The following SFI1 variants were observed in gnomAD, a reference collection of about 807,000 sequenced individuals.
SFI1 encodes SFI1 centrin binding protein.
A neutral mutation model predicts 207.5 loss-of-function variants in SFI1; 195 were observed. The ratio of observed to expected loss-of-function variants is 0.94; its 90% CI spans 0.84 to 1.06. The LOEUF (loss-of-function observed/expected upper bound fraction) is 1.06. Ranked by LOEUF, SFI1 falls within the 50% of genes least tolerant of loss-of-function variation. SFI1 has a pLI of 0.00. For missense variants in SFI1, 1,634 were observed against 1,588.0 expected, an observed-to-expected ratio of 1.03 and a Z score of -0.49; for synonymous variants, 630 against 598.9, an observed-to-expected ratio of 1.05 and a Z score of -0.76.
intron 3 of SFI1, chr22:31,530,626 G>A (rs1438285743): frequency 2.1e-6 from 1 of 471,194 alleles, no homozygotes; most frequent in African/African-American, 2.0e-5. Flanking sequence ...CAGACACCCT[G>A]TGAGCTGATC....
intron 12 of SFI1, among the ~76,000 whole-genome samples, chr22:31,582,220 A>ATG (rs1191390676): frequency 0.023 from 760 of 32,520 alleles, 47 homozygotes; most frequent in African/African-American, 0.044. Flanking sequence ...ATATATATAT[A>ATG]TATATATATA....
intron 24 of SFI1, 114 bp from the exon 25 acceptor site, chr22:31,613,028 G>T (rs1322591131): frequency 9.1e-6 from 10 of 1,101,100 alleles, no homozygotes; most frequent in Non-Finnish European, 1.3e-5. Flanking sequence ...AGTGGAGGAA[G>T]TGGGAGCCTC....
Position 31,508,249 on chromosome 22 carries a change from T to C in SFI1, c.-30-6T>C. 6.9e-7 allele frequency: 1 copy of C among 1,443,934 alleles called. No individual in the cohort carries two copies. Among genetic ancestry groups the C allele is most frequent in the Non-Finnish European group, 9.7e-7 (1 of 1,025,656 alleles). 89.4% of individuals were successfully genotyped at this position (1,443,934 alleles called of 1,614,324 possible). A position where few individuals can be genotyped will look rare whatever the true frequency, so the allele number is the denominator to read the frequency against. The stretch of plus-strand genomic sequence containing the variant: ...TTCTCTCTTTTTTATTCTCTTTTTC[T>C]TGTAGTTAGAAGGGGAAGATAAAAG... On this transcript the variant is annotated splice_polypyrimidine_tract_variant and splice_region_variant and intron_variant, in intron 1 of 32. Coordinates refer to ENST00000400288, the MANE Select transcript of SFI1 (RefSeq NM_001007467.3).
intron 12 of SFI1, among the ~76,000 whole-genome samples, chr22:31,581,383 A>G (rs1472424637): frequency 6.6e-6 from 1 of 151,128 alleles, no homozygotes; most frequent in Non-Finnish European, 1.5e-5. Context: ...CCACCTCCCA[A>G]GTTCAAGCGA....
intron 5 of SFI1, among the ~76,000 whole-genome samples, chr22:31,548,092 C>G (rs1290470495): frequency 6.6e-6 from 1 of 151,750 alleles, no homozygotes; most frequent in South Asian, 2.1e-4. Context: ...TGGTGGCAGG[C>G]GCCTGTAGTT....
At chr22:31,549,713 A>G (rs1300839540) in intron 5 of SFI1, among the ~76,000 whole-genome samples, 1 of 152,080 alleles carries the variant, frequency 6.6e-6, no homozygotes, top group Non-Finnish European at 1.5e-5. Context: ...TTCTTGGAGA[A>G]GTCAAGCCTT....
chr22:31,543,667 G>A (rs1454162469), intron 4 of SFI1, among the ~76,000 whole-genome samples: 1 of 151,852 alleles, frequency 6.6e-6, no homozygotes, highest in Non-Finnish European at 1.5e-5. Flanking sequence ...AAAATTAGCT[G>A]GGCATGGTGG....
chr22:31,593,159 C>A (rs1221412867), intron 15 of SFI1, among the ~76,000 whole-genome samples: 2 of 148,748 alleles, frequency 1.3e-5, no homozygotes, highest in Non-Finnish European at 3.0e-5. Flanking sequence ...CCTTCCCGGA[C>A]GGGGTGGCTG....
intron 4 of SFI1, among the ~76,000 whole-genome samples, chr22:31,542,016 G>A (rs1296717345): frequency 2.0e-5 from 3 of 150,612 alleles, no homozygotes; most frequent in South Asian, 4.2e-4. Flanking sequence ...AAGGAGACTG[G>A]CGTGAACCTG....
At chr22:31,559,873 C>T (rs2061515868) in intron 7 of SFI1, 2 of 666,038 alleles carry the variant, frequency 3.0e-6, no homozygotes, top group Non-Finnish European at 5.6e-6. Context: ...GCCTTCGTGT[C>T]CGAGGCCAGC....
At chr22:31,541,294 A>G (rs576949569) in intron 4 of SFI1, among the ~76,000 whole-genome samples, 1 of 152,084 alleles carries the variant, frequency 6.6e-6, no homozygotes, top group East Asian at 1.9e-4. Context: ...ATTGACTAAA[A>G]TTTGTTGACG....
chr22:31,594,192 CACTT>C (rs1388313683), intron 15 of SFI1, among the ~76,000 whole-genome samples: 2 of 152,170 alleles, frequency 1.3e-5, no homozygotes, highest in South Asian at 2.1e-4. Context: ...TTCCCCGAAA[CACTT>C]AGTTCCTGTT....
rs950416772 is a variant in SFI1, at chr22:31,611,404, C to T, written c.2415+101C>T. 6 of 1,376,532 alleles carry T rather than the reference C, an allele frequency of 4.4e-6. No homozygotes were observed. The African/African-American group carries it at 8.7e-5, about 20-fold the overall frequency. 85.3% of individuals were successfully genotyped at this position (1,376,532 alleles called of 1,614,324 possible). ...GGAAGGGGTCTTTCCTGACAGCACT[C>T]CATGCAGCCGGTATGAGTGGTGGGT... On this transcript the variant is annotated intron_variant, in intron 23 of 32. Transcript: ENST00000400288.
rs5753708 is a variant in SFI1, at chr22:31,585,166, T to C, written c.1413+32T>C. ...AGTACTTTTTAGCAGATAGCTCTACTGGCTTACATTCTTGGACCCATTTGC... is the reference window on the plus strand; with the variant it reads ...AGTACTTTTTAGCAGATAGCTCTACCGGCTTACATTCTTGGACCCATTTGC... On this transcript the variant is annotated intron_variant, in intron 14 of 32. Coordinates refer to ENST00000400288, the MANE Select transcript of SFI1 (RefSeq NM_001007467.3). 1.3e-3 allele frequency: 2,025 copies of C among 1,570,020 alleles called. 46 individuals are homozygous for C. The East Asian group carries it at 0.036, about 28-fold the overall frequency.
chr22:31,556,874 C>G (rs1055016912), intron 6 of SFI1, 68 bp from the exon 7 acceptor site: 1 of 1,078,336 alleles, frequency 9.3e-7, no homozygotes, highest in African/African-American at 1.6e-5. Flanking sequence ...AGCCCTTGAG[C>G]TTTTATCATA....
Position 31,561,390 on chromosome 22 carries a change from C to T in SFI1, c.763C>T (p.Gln255Ter). 2 of 1,612,500 alleles carry T rather than the reference C, an allele frequency of 1.2e-6. No individual in the cohort carries two copies. Among genetic ancestry groups the T allele is most frequent in the Non-Finnish European group, 1.7e-6 (2 of 1,179,318 alleles). The stretch of plus-strand genomic sequence containing the variant: ...GCACAGGGCCCTGAGCCTCCAGGTG[C>T]AGGTGAGTCCAGCAGACGTGGGATT... ...LKHRALSLQVQAWSQWREQLL... is the reference protein window; with the variant it reads ...LKHRALSLQV The change falls in exon 8 of 33, where the codon CAG becomes TAG. Residue 255 changes from glutamine (Q) to a stop codon, truncating the protein, a stop_gained and splice_region_variant. Coordinates refer to ENST00000400288, the MANE Select transcript of SFI1 (RefSeq NM_001007467.3). LOFTEE classifies it high-confidence loss of function.
chr22:31,597,794 G>A, intron 15 of SFI1, among the ~76,000 whole-genome samples: 1 of 152,132 alleles, frequency 6.6e-6, no homozygotes, highest in South Asian at 2.1e-4. Context: ...ATTTTTTAAT[G>A]TTTTAGGAAT....
chr22:31,586,048 A>G (rs565298998), intron 14 of SFI1, among the ~76,000 whole-genome samples: 1 of 152,202 alleles, frequency 6.6e-6, no homozygotes, highest in Admixed American at 6.5e-5. Context: ...AGCAAGGCCT[A>G]CAAACTCCTT....
intron 15 of SFI1, among the ~76,000 whole-genome samples, chr22:31,592,996 ACCTC>A (rs2066325673): frequency 1.2e-5 from 1 of 82,838 alleles, no homozygotes; most frequent in African/African-American, 5.2e-5. Flanking sequence ...TGACCCCCCC[ACCTC>A]CCTCCCGGAC....
Sources: gnomAD v4.1 joint callset for allele counts (sites outside exome capture counted in the v4.1 genomes callset) on GRCh38, gnomAD v4.1.1 for gene constraint, MANE v1.5 for transcripts, NCBI Gene and HGNC (gene_info 2026-07-23, HGNC 2026-07-21) for gene names.